The following KCNB2 variants were observed in gnomAD, a reference collection of about 807,000 sequenced individuals.
KCNB2 encodes the protein potassium voltage-gated channel subfamily B member 2.
Under a neutral mutation model 61.5 loss-of-function variants are expected in KCNB2, and 15 were observed. The ratio of observed to expected loss-of-function variants is 0.24; its 90% CI spans 0.16 to 0.38. The LOEUF (loss-of-function observed/expected upper bound fraction) is 0.38, where lower values mean the gene tolerates loss of function less well. Ranked by LOEUF, KCNB2 falls within the 10% of genes least tolerant of loss-of-function variation. KCNB2 has a pLI of 1.00. For synonymous variants in KCNB2, 457 were observed against 446.0 expected (o/e 1.02, Z -0.31); for missense variants, 828 against 1,125.2 (o/e 0.74, Z 3.78).
chr8:72,889,383 A>G (rs1805858763), intron 2 of KCNB2, among the ~76,000 whole-genome samples: 1 of 152,224 alleles, frequency 6.6e-6, no homozygotes. Flanking sequence ...TAATGAAAAC[A>G]AAAACAAACA....
chr8:72,683,115 A>G (rs1806789588), intron 2 of KCNB2, among the ~76,000 whole-genome samples: 1 of 152,252 alleles, frequency 6.6e-6, no homozygotes, highest in African/African-American at 2.4e-5. Flanking sequence ...TTATCCTGGC[A>G]TAATGAAAGA....
At position 72,568,422 on chromosome 8, in the gene KCNB2, G is replaced by A. The variant is rs866644856; in HGVS notation, c.579+109G>A. 1.0e-5 allele frequency: 9 copies of A among 900,548 alleles called. No individual in the cohort carries two copies. In the Middle Eastern group the frequency reaches 1.3e-3, roughly 134 times the overall value. 55.8% of individuals were successfully genotyped at this position (900,548 alleles called of 1,614,324 possible). A position where few individuals can be genotyped will look rare whatever the true frequency, so the allele number is the denominator to read the frequency against. ...TTTTGGTAACACAGAACAAAGTGTGGCTACACAGACAGTGAAAAAATCCTT... is the reference window on the plus strand; with the variant it reads ...TTTTGGTAACACAGAACAAAGTGTGACTACACAGACAGTGAAAAAATCCTT... On this transcript the variant is annotated intron_variant, in intron 2 of 2. Coordinates refer to ENST00000523207, the MANE Select transcript of KCNB2 (RefSeq NM_004770.3).
In KCNB2 at chr8:72,937,804, G is replaced by T. The variant is rs760428781; in HGVS notation, c.2449G>T (p.Glu817Ter). 1.9e-6 allele frequency: 3 copies of T among 1,614,006 alleles called. No individual in the cohort carries two copies. The East Asian group carries it at 6.7e-5, about 36-fold the overall frequency. Residue 817 changes from glutamate to a stop codon, truncating the protein, a stop_gained, in exon 3 of 3, where the codon GAG (glutamate) becomes TAG (stop). Coordinates refer to ENST00000523207, the MANE Select transcript of KCNB2 (RefSeq NM_004770.3). LOFTEE classifies it high-confidence loss of function. ...IDTGDDEDFL[E>*]LPGAREEKQV... Reference sequence around the variant, plus strand: ...TACTGGTGACGACGAAGACTTCTTAGAGCTCCCAGGGGCAAGGGAGGAGAA... The same window carrying T: ...TACTGGTGACGACGAAGACTTCTTATAGCTCCCAGGGGCAAGGGAGGAGAA...
At chr8:72,560,354 A>T (rs2128978078) in intron 1 of KCNB2, among the ~76,000 whole-genome samples, 1 of 152,348 alleles carries the variant, frequency 6.6e-6, no homozygotes, top group Non-Finnish European at 1.5e-5. Context: ...TCCAAATGGA[A>T]TGTAAAACTT....
chr8:72,802,832 G>T (rs776515424), intron 2 of KCNB2, among the ~76,000 whole-genome samples: 26 of 152,112 alleles, frequency 1.7e-4, no homozygotes, highest in East Asian at 1.9e-4. Context: ...AAGCAATAAT[G>T]ACCTAATTAG....
chr8:72,689,664 G>A (rs1806910211), intron 2 of KCNB2, among the ~76,000 whole-genome samples: 1 of 152,120 alleles, frequency 6.6e-6, no homozygotes, highest in African/African-American at 2.4e-5. Flanking sequence ...TGTGATCTTT[G>A]TGTTTGGGTT....
intron 2 of KCNB2, among the ~76,000 whole-genome samples, chr8:72,802,244 G>A (rs565207148): frequency 1.4e-4 from 22 of 152,160 alleles, no homozygotes; most frequent in South Asian, 4.1e-4. Context: ...AACAATTTGC[G>A]AGGGCTTTGA....
At chr8:72,908,430 A>G (rs1483678659) in intron 2 of KCNB2, among the ~76,000 whole-genome samples, 3 of 152,096 alleles carry the variant, frequency 2.0e-5, no homozygotes, top group African/African-American at 4.8e-5. Context: ...TTGTTCACCT[A>G]TTTATTCCAG....
At chr8:72,572,550 C>T (rs1231555296) in intron 2 of KCNB2, among the ~76,000 whole-genome samples, 2 of 151,260 alleles carry the variant, frequency 1.3e-5, no homozygotes, top group East Asian at 3.9e-4. Context: ...CGCTCCTCCT[C>T]TCTCTCTCAG....
chr8:72,892,511 A>G (rs1805914257), intron 2 of KCNB2, among the ~76,000 whole-genome samples: 1 of 152,186 alleles, frequency 6.6e-6, no homozygotes, highest in African/African-American at 2.4e-5. Context: ...GGCATCCGGC[A>G]CATGCCACAT....
intron 2 of KCNB2, among the ~76,000 whole-genome samples, chr8:72,920,473 C>CTATCTATCTATCTATCTATA (rs1406310738): frequency 1.3e-5 from 1 of 78,742 alleles, no homozygotes; most frequent in African/African-American, 4.5e-5. Context: ...ATCTATCTAT[C>CTATCTATCTATCTATCTATA]TATATATATA....
intron 2 of KCNB2, among the ~76,000 whole-genome samples, chr8:72,663,268 A>T (rs1806410258): frequency 6.6e-6 from 1 of 152,210 alleles, no homozygotes; most frequent in Non-Finnish European, 1.5e-5. Flanking sequence ...TGGAAGACTG[A>T]AAGTGAGGAA....
At chr8:72,854,328 T>G (rs1331822575) in intron 2 of KCNB2, among the ~76,000 whole-genome samples, 1 of 152,178 alleles carries the variant, frequency 6.6e-6, no homozygotes, top group Non-Finnish European at 1.5e-5. Flanking sequence ...AGTTATATAT[T>G]TTTTAAGTGT....
intron 2 of KCNB2, among the ~76,000 whole-genome samples, chr8:72,797,878 A>C (rs1809056340): frequency 6.6e-6 from 1 of 152,128 alleles, no homozygotes; most frequent in Non-Finnish European, 1.5e-5. Flanking sequence ...AGTGCGTTGC[A>C]ATTTTTTTAA....
intron 2 of KCNB2, among the ~76,000 whole-genome samples, chr8:72,633,873 G>A (rs1197822773): frequency 1.3e-5 from 2 of 152,132 alleles, no homozygotes; most frequent in Admixed American, 6.5e-5. Flanking sequence ...GAGTTGGGCA[G>A]TGAACAGCCT....
chr8:72,566,346 G>T (rs1195744807), intron 1 of KCNB2, among the ~76,000 whole-genome samples: 2 of 152,142 alleles, frequency 1.3e-5, no homozygotes, highest in Non-Finnish European at 2.9e-5. Flanking sequence ...TAGCTATGTG[G>T]AGAATGGTTT....
chr8:72,573,688 C>T, intron 2 of KCNB2, among the ~76,000 whole-genome samples: 1 of 151,052 alleles, frequency 6.6e-6, no homozygotes, highest in African/African-American at 2.4e-5. Flanking sequence ...ATTGAGGCCC[C>T]TCTGTGTACT....
At chr8:72,824,281 T>C (rs963721861) in intron 2 of KCNB2, among the ~76,000 whole-genome samples, 5 of 152,110 alleles carry the variant, frequency 3.3e-5, no homozygotes, top group African/African-American at 1.2e-4. Flanking sequence ...ACTGCTCTTA[T>C]GTGAACTAGC....
intron 1 of KCNB2, among the ~76,000 whole-genome samples, chr8:72,555,563 C>G (rs1479069854): frequency 2.6e-5 from 4 of 151,336 alleles, no homozygotes; most frequent in Admixed American, 1.3e-4. Context: ...TTAAATATCA[C>G]CATCTCTGAA....
Sources: allele counts gnomAD v4.1 joint callset (sites outside exome capture counted in the v4.1 genomes callset), GRCh38; gene constraint gnomAD v4.1.1; transcripts MANE v1.5; gene names NCBI Gene and HGNC (gene_info 2026-07-23, HGNC 2026-07-21).